Variants in SUZ12 observed in about 807,000 individuals in gnomAD.
SUZ12 encodes SUZ12 polycomb repressive complex 2 subunit.
A neutral mutation model predicts 87.3 loss-of-function variants in SUZ12; 17 were observed. The observed-to-expected ratio is 0.19, with a 90% CI of 0.13 to 0.29. SUZ12 has a LOEUF of 0.29. SUZ12 is among the 10% of genes least tolerant of loss of function. SUZ12 has a pLI of 1.00. For synonymous variants in SUZ12, 253 were observed against 312.4 expected (o/e 0.81, Z 2.01); for missense variants, 526 against 912.2 (o/e 0.58, Z 5.45).
chr17:31,961,119 G>A (rs1907685766), intron 4 of SUZ12, among the ~76,000 whole-genome samples: 1 of 152,104 alleles, frequency 6.6e-6, no homozygotes, highest in Non-Finnish European at 1.5e-5. Context: ...GGCTGAGGCA[G>A]GAGAATGGCT....
At chr17:31,995,830 G>A in intron 14 of SUZ12, 68 bp downstream of exon 14, 8 of 1,131,054 alleles carry the variant, frequency 7.1e-6, no homozygotes, top group South Asian at 6.2e-5. Context: ...TGCTTACTAT[G>A]AACTAGACTT....
At chr17:31,958,235 C>T (rs985420571) in intron 4 of SUZ12, among the ~76,000 whole-genome samples, 3 of 152,076 alleles carry the variant, frequency 2.0e-5, no homozygotes, top group African/African-American at 4.8e-5. Flanking sequence ...GAGGTTTCAC[C>T]GTTTTGCCCA....
Position 31,966,153 on chromosome 17 carries a change from A to G in SUZ12, c.462A>G (p.Ser154=). ...TCCTTTTTTTTTTTTTTAGCTTGTC[A>G]GCTCATTTGCAGCTTACGTTTACTG... ...MKGEQESHSL[S]AHLQLTFTGF... The change falls in exon 5 of 16, where the codon TCA becomes TCG. Residue 154 remains serine, a synonymous_variant. Coordinates refer to ENST00000322652, the MANE Select transcript of SUZ12 (RefSeq NM_015355.4). 1.3e-6 allele frequency: 2 copies of G among 1,583,310 alleles called. No individual in the cohort carries two copies. Among genetic ancestry groups the G allele is most frequent in the South Asian group, 1.2e-5 (1 of 85,732 alleles).
chr17:31,950,753 G>A lies in SUZ12; in HGVS notation c.455+3068G>A, dbSNP rs8064861. Among the ~76,000 whole-genome samples the A allele has an allele frequency of 5.2e-3, 791 of 151,922 alleles. 4 individuals are homozygous for A. The highest frequency in any genetic ancestry group is 0.014 in the African/African-American group (586 of 41,470). Reference sequence around the variant, plus strand: ...TTAGTAGAAGTTAATATCTTAAATCGTACACAAAAGTATCTCTCCTCCATT... The same window carrying A: ...TTAGTAGAAGTTAATATCTTAAATCATACACAAAAGTATCTCTCCTCCATT... On this transcript the variant is annotated intron_variant, in intron 4 of 15. Transcript: ENST00000322652.
intron 3 of SUZ12, among the ~76,000 whole-genome samples, chr17:31,943,949 G>A (rs1456675486): frequency 6.6e-6 from 1 of 151,836 alleles, no homozygotes; most frequent in East Asian, 1.9e-4. Flanking sequence ...GCCTGCCTTG[G>A]CCTCCCAAAG....
At chr17:31,969,822 C>G (rs1447903495) in intron 5 of SUZ12, among the ~76,000 whole-genome samples, 1 of 152,006 alleles carries the variant, frequency 6.6e-6, no homozygotes, top group Non-Finnish European at 1.5e-5. Context: ...TTGCTTGAGC[C>G]CAGGAGTTTG....
At chr17:31,970,733 C>T (rs562645) in intron 5 of SUZ12, among the ~76,000 whole-genome samples, 15,042 of 151,482 alleles carry the variant, frequency 0.099, 1,023 homozygotes, top group Middle Eastern at 0.15. Flanking sequence ...ACCCAGGAGG[C>T]GGAGGTTGCA....
chr17:31,976,169 A>G (rs1469474895), intron 7 of SUZ12, among the ~76,000 whole-genome samples: 2 of 152,238 alleles, frequency 1.3e-5, no homozygotes, highest in Admixed American at 1.3e-4. Flanking sequence ...GCCATAATAC[A>G]GGTATATGTG....
chr17:31,993,704 C>T (rs1199454475), intron 11 of SUZ12, among the ~76,000 whole-genome samples, 161 bp from the exon 12 acceptor site: 2 of 152,118 alleles, frequency 1.3e-5, no homozygotes, highest in African/African-American at 2.4e-5. Flanking sequence ...GATTAACAGG[C>T]GTGAGTGACC....
Position 32,000,974 on chromosome 17 carries a change from T to G in SUZ12, c.*1971T>G, listed in dbSNP as rs556699968. On this transcript the variant is annotated 3_prime_UTR_variant, in exon 16 of 16. Transcript: ENST00000322652. ...AATTCAGTTTAAAAGAACATTTGTT[T>G]TTACATTAAATGTTTATTTGAAATC... is the stretch of plus-strand genomic sequence containing the variant. 4.6e-6 allele frequency: 1 copy of G among 215,140 alleles called. No homozygotes were observed. The highest frequency in any genetic ancestry group is 7.2e-5 in the East Asian group (1 of 13,912). 13.3% of individuals were successfully genotyped at this position (215,140 alleles called of 1,614,324 possible). A position where few individuals can be genotyped will look rare whatever the true frequency, so the allele number is the denominator to read the frequency against.
At chr17:31,991,237 C>T (rs139708279) in intron 10 of SUZ12, among the ~76,000 whole-genome samples, 40 of 152,024 alleles carry the variant, frequency 2.6e-4, no homozygotes, top group African/African-American at 8.2e-4. Context: ...TGGGGCCGGG[C>T]GCAGTGGCTG....
rs778556333 is a variant in SUZ12 at position 31,993,838 on chromosome 17, T to C, written c.1294-27T>C. The C allele has an allele frequency of 5.7e-6, 9 of 1,573,566 alleles. No individual in the cohort carries two copies. The South Asian group carries it at 9.5e-5, about 17-fold the overall frequency. On this transcript the variant is annotated intron_variant, in intron 11 of 15. Transcript: ENST00000322652. ...ATCTTGTTATGCGTAAATTGGAGAT[T>C]TGCTTTTTTTTTTTAATTGTTTTTA...
At chr17:31,984,189 G>A (rs1378689618) in intron 9 of SUZ12, among the ~76,000 whole-genome samples, 1 of 152,110 alleles carries the variant, frequency 6.6e-6, no homozygotes, top group Non-Finnish European at 1.5e-5. Context: ...ATAAGCATAG[G>A]AATAGACAAG....
chr17:31,985,211 T>G (rs934962382), intron 9 of SUZ12, among the ~76,000 whole-genome samples: 1 of 149,554 alleles, frequency 6.7e-6, no homozygotes, highest in Non-Finnish European at 1.5e-5. Flanking sequence ...TAGGGCAGAC[T>G]GGCAATATAT....
chr17:31,998,308 T>A (rs541122831), intron 15 of SUZ12, among the ~76,000 whole-genome samples: 2 of 152,218 alleles, frequency 1.3e-5, no homozygotes, highest in African/African-American at 4.8e-5. Flanking sequence ...CTTGATCTCC[T>A]GATCTTGCGA....
chr17:31,997,470 C>T (rs188511520), intron 15 of SUZ12, among the ~76,000 whole-genome samples: 3 of 152,228 alleles, frequency 2.0e-5, no homozygotes, highest in Admixed American at 6.5e-5. Context: ...AGAGAGCAGC[C>T]TGGCCAACAT....
At position 31,994,573 on chromosome 17, in the gene SUZ12, A is replaced by G; in HGVS notation, c.1447A>G (p.Lys483Glu). The G allele has an allele frequency of 6.2e-7, 1 of 1,602,966 alleles. No individual in the cohort carries two copies. The highest frequency in any genetic ancestry group is 8.5e-7 in the Non-Finnish European group (1 of 1,175,398). The change falls in exon 13 of 16, where the codon AAA becomes GAA. Residue 483 changes from lysine (K) to glutamate (E), a missense_variant. Physicochemically the swap from Lys to Glu is moderately conservative, Grantham distance 56. This residue lies in a region of SUZ12 where 143 missense variants were observed against 321.6 expected (regional missense o/e 0.44). Transcript: ENST00000322652. ...TACATTTTTGTTGCAGTATCATCCA[A>G]AAGGTGCTAGGATAGATGTTTCTAT... is the stretch of plus-strand genomic sequence containing the variant. ...RFIFNYVYHP[K>E]GARIDVSINE...
At chr17:31,991,628 G>A (rs555327180) in intron 10 of SUZ12, among the ~76,000 whole-genome samples, 22 of 151,320 alleles carry the variant, frequency 1.5e-4, no homozygotes, top group Middle Eastern at 3.4e-3. Flanking sequence ...TTTTGGAGAC[G>A]GAGTCTTGCT....
Position 31,994,355 on chromosome 17 carries a change from G to T in SUZ12, c.1438-209G>T. 6.4e-6 allele frequency: 3 copies of T among 468,152 alleles called. No homozygotes were observed. In the East Asian group the frequency reaches 1.0e-4, roughly 16 times the overall value. The allele number at this position is 468,152 out of a possible 1,614,324, so 29.0% of individuals were successfully genotyped here. On this transcript the variant is annotated intron_variant, in intron 12 of 15. Coordinates refer to ENST00000322652, the MANE Select transcript of SUZ12 (RefSeq NM_015355.4). ...TTCTTGCTCAACCAAGAAATAATTT[G>T]TACAAAGTCACCAAGCAATAAATGA...
Sources: gnomAD v4.1 joint callset for allele counts (sites outside exome capture counted in the v4.1 genomes callset) on GRCh38, gnomAD v4.1.1 for gene constraint, gnomAD v4.1.1 regional missense constraint, MANE v1.5 for transcripts, NCBI Gene and HGNC (gene_info 2026-07-23, HGNC 2026-07-21) for gene names.